The following WDR6 variants were observed in gnomAD, a reference collection of about 807,000 sequenced individuals.
WDR6 encodes WD repeat domain 6.
Under a neutral mutation model 85.6 loss-of-function variants are expected in WDR6, and 58 were observed. The observed-to-expected ratio is 0.68, with a 90% CI of 0.55 to 0.84. The LOEUF is 0.84. Among genes scored for constraint, WDR6 ranks in the 40% least tolerant of loss-of-function variants. The pLI is 0.00. For synonymous variants in WDR6, 569 were observed against 582.2 expected (o/e 0.98, Z 0.33); for missense variants, 1,310 against 1,476.4 (o/e 0.89, Z 1.85).
intron 1 of WDR6, among the ~76,000 whole-genome samples, chr3:49,009,222 C>T (rs1383395674): frequency 6.6e-6 from 1 of 151,904 alleles, no homozygotes. Flanking sequence ...CTGTTCCATC[C>T]ACCATACTCA....
chr3:49,013,173 A>G lies in WDR6; in HGVS notation c.1639A>G (p.Ser547Gly), dbSNP rs755688452. The change falls in exon 2 of 6, where the codon AGT becomes GGT. Residue 547 changes from serine (S) to glycine (G), a missense_variant. Physicochemically the swap from Ser to Gly is moderately conservative, Grantham distance 56 (BLOSUM62 0). Coordinates refer to ENST00000608424, the MANE Select transcript of WDR6 (RefSeq NM_018031.6). The surrounding 1 kb of genome is among the most constrained non-coding windows in gnomAD (Gnocchi z 4.6). Reference protein sequence around the residue: ...GAGAPVVGSGSSGGGNAFTGL... With the variant: ...GAGAPVVGSGGSGGGNAFTGL... ...TGGGGCACCTGTAGTGGGTAGTGGTAGTAGTGGGGGTGGGAATGCTTTCAC... is the reference window on the plus strand; with the variant it reads ...TGGGGCACCTGTAGTGGGTAGTGGTGGTAGTGGGGGTGGGAATGCTTTCAC... 4.3e-6 allele frequency: 7 copies of G among 1,611,716 alleles called. No homozygotes were observed. Among genetic ancestry groups the G allele is most frequent in the African/African-American group, 2.7e-5 (2 of 74,812 alleles).
chr3:49,011,101 CTTTT>C (rs142346765), intron 1 of WDR6: 1 of 403,854 alleles, frequency 2.5e-6, no homozygotes. Flanking sequence ...TTTCTTTTTT[CTTTT>C]TTTTTTTTTG....
Position 49,013,651 on chromosome 3 carries a change from G to C in WDR6, c.2117G>C (p.Cys706Ser). Residue 706 changes from cysteine to serine, a missense_variant, in exon 2 of 6, where the codon TGT becomes TCT. Cys to Ser is a moderately radical substitution (Grantham distance 112). Coordinates refer to ENST00000608424, the MANE Select transcript of WDR6 (RefSeq NM_018031.6). The surrounding 1 kb of genome is among the most constrained non-coding windows in gnomAD (Gnocchi z 4.6). Reference protein sequence around the residue: ...REGLHGREITCVKRVGTITLG... With the variant: ...REGLHGREITSVKRVGTITLG... Reference sequence around the variant, plus strand: ...GGTCTGCATGGCCGTGAGATCACTTGTGTAAAGCGTGTGGGCACCATTACC... The same window carrying C: ...GGTCTGCATGGCCGTGAGATCACTTCTGTAAAGCGTGTGGGCACCATTACC... 3 of 1,614,164 alleles carry C rather than the reference G, an allele frequency of 1.9e-6. No individual in the cohort carries two copies. The highest frequency in any genetic ancestry group is 2.5e-6 in the Non-Finnish European group (3 of 1,180,014).
rs747117422 is a variant in WDR6 at position 49,013,207 on chromosome 3, G to A, written c.1673G>A (p.Gly558Asp). ...GGTGGGAATGCTTTCACTGGGTTGG[G>A]CCCAGTGTCTACCCTGCCCTCTCTG... is the stretch of plus-strand genomic sequence containing the variant. ...SGGGNAFTGLGPVSTLPSLHG... is the reference protein window; with the variant it reads ...SGGGNAFTGLDPVSTLPSLHG... The change falls in exon 2 of 6, where the codon GGC becomes GAC. Residue 558 changes from glycine to aspartate, a missense_variant. Transcript: ENST00000608424. The surrounding 1 kb of genome is among the most constrained non-coding windows in gnomAD (Gnocchi z 4.6). 1.2e-6 allele frequency: 2 copies of A among 1,613,744 alleles called. No individual in the cohort carries two copies. The highest frequency in any genetic ancestry group is 1.7e-5 in the Admixed American group (1 of 60,000).
In WDR6 at chr3:49,014,467, C is replaced by T; in HGVS notation, c.2751C>T (p.His917=). 1.2e-6 allele frequency: 2 copies of T among 1,614,132 alleles called. No homozygotes were observed. Among genetic ancestry groups the T allele is most frequent in the Non-Finnish European group, 1.7e-6 (2 of 1,180,006 alleles). ...ATAAGCGATGTGTCCTCAAGGTCCACTCCTTTACACACGAGGCACCCAACC... is the reference window on the plus strand; with the variant it reads ...ATAAGCGATGTGTCCTCAAGGTCCATTCCTTTACACACGAGGCACCCAACC... ...FHHKRCVLKV[H]SFTHEAPNQR... The change falls in exon 4 of 6, where the codon CAC becomes CAT. Residue 917 remains histidine, a synonymous_variant. Coordinates refer to ENST00000608424, the MANE Select transcript of WDR6 (RefSeq NM_018031.6). The surrounding 1 kb of genome is among the most constrained non-coding windows in gnomAD (Gnocchi z 4.9).
Position 49,012,736 on chromosome 3 carries a change from G to C in WDR6, c.1202G>C (p.Gly401Ala). The change falls in exon 2 of 6, where the codon GGT (glycine) becomes GCT (alanine). Residue 401 changes from glycine to alanine, a missense_variant. By Grantham distance (60) the Gly-to-Ala change is moderately conservative (BLOSUM62 0). Transcript: ENST00000608424. This position sits in a 1 kb window ranked among gnomAD's most constrained non-coding sequence, Gnocchi z 4.4. Reference protein sequence around the residue: ...QSYCLLEAAPGPEGFGLCAMA... With the variant: ...QSYCLLEAAPAPEGFGLCAMA... Reference sequence around the variant, plus strand: ...TACTGCCTGCTGGAGGCAGCTCCTGGTCCCGAGGGCTTCGGATTGTGTGCT... The same window carrying C: ...TACTGCCTGCTGGAGGCAGCTCCTGCTCCCGAGGGCTTCGGATTGTGTGCT... The C allele has an allele frequency of 6.2e-7, 1 of 1,613,972 alleles. No homozygotes were observed. Among genetic ancestry groups the C allele is most frequent in the Admixed American group, 1.7e-5 (1 of 60,018 alleles).
Position 49,014,540 on chromosome 3 carries a change from G to T in WDR6, c.2783+41G>T. 6.2e-7 allele frequency: 1 copy of T among 1,613,696 alleles called. No homozygotes were observed. Among genetic ancestry groups the T allele is most frequent in the South Asian group, 1.1e-5 (1 of 91,070 alleles). On this transcript the variant is annotated intron_variant, in intron 4 of 5. Transcript: ENST00000608424. This position sits in a 1 kb window ranked among gnomAD's most constrained non-coding sequence, Gnocchi z 4.9. Reference sequence around the variant, plus strand: ...TGATGGTCCTGCATGGGCTGGGTTGGGGGGTTCCTGTTGAGCTTCATCTCT... The same window carrying T: ...TGATGGTCCTGCATGGGCTGGGTTGTGGGGTTCCTGTTGAGCTTCATCTCT...
chr3:49,014,018 C>T lies in WDR6; in HGVS notation c.2484C>T (p.Leu828=), dbSNP rs185020085. 1.1e-5 allele frequency: 17 copies of T among 1,612,036 alleles called. 1 individual carries two copies. Among genetic ancestry groups the T allele is most frequent in the Middle Eastern group, 3.3e-4 (2 of 6,062 alleles). The change falls in exon 2 of 6, where the codon CTC becomes CTT. Residue 828 remains leucine (L), a synonymous_variant. Coordinates refer to ENST00000608424, the MANE Select transcript of WDR6 (RefSeq NM_018031.6). The surrounding 1 kb of genome is among the most constrained non-coding windows in gnomAD (Gnocchi z 4.9). The part of the protein sequence containing the change: ...VTPDPSTPSR[L]ACHVMHLSSH... ...CGGACCCCAGCACCCCAAGCCGCCT[C>T]GCCTGCCATGTCATGCACCTTTCGT...
Position 49,014,741 on chromosome 3 carries a change from T to A in WDR6, c.2902+23T>A, listed in dbSNP as rs1211263335. The A allele has an allele frequency of 6.2e-7, 1 of 1,612,436 alleles. No homozygotes were observed. Among genetic ancestry groups the A allele is most frequent in the Non-Finnish European group, 8.5e-7 (1 of 1,179,274 alleles). ...ACCGTGAGTAGCTAATGTGCAACCA[T>A]GGCTACCCCTCCTCACCTGTCACAT... On this transcript the variant is annotated intron_variant, in intron 5 of 5. Transcript: ENST00000608424. This position sits in a 1 kb window ranked among gnomAD's most constrained non-coding sequence, Gnocchi z 4.9.
At position 49,012,549 on chromosome 3, in the gene WDR6, G is replaced by A. The variant is rs757785170; in HGVS notation, c.1015G>A (p.Ala339Thr). The A allele has an allele frequency of 4.9e-5, 79 of 1,613,882 alleles. No homozygotes were observed. The highest frequency in any genetic ancestry group is 6.2e-5 in the Non-Finnish European group (73 of 1,180,024). ...TGGGTACCGGGGATTGGGGGTCTCG[G>A]CTCTCTGCTTCAAGTCCCGTAGTAG... Reference protein sequence around the residue: ...GRGYRGLGVSALCFKSRSRPG... With the variant: ...GRGYRGLGVSTLCFKSRSRPG... Residue 339 changes from alanine (A) to threonine (T), a missense_variant, in exon 2 of 6, where the codon GCT (alanine) becomes ACT (threonine). Physicochemically the swap from Ala to Thr is moderately conservative, Grantham distance 58. Coordinates refer to ENST00000608424, the MANE Select transcript of WDR6 (RefSeq NM_018031.6). This position sits in a 1 kb window ranked among gnomAD's most constrained non-coding sequence, Gnocchi z 4.4.
At position 49,015,680 on chromosome 3, in the gene WDR6, T is replaced by A. The variant is rs532886583; in HGVS notation, c.*392T>A. 25 of 1,614,032 alleles carry A rather than the reference T, an allele frequency of 1.5e-5. No individual in the cohort carries two copies. In the East Asian group the frequency reaches 5.6e-4, roughly 36 times the overall value. On this transcript the variant is annotated 3_prime_UTR_variant, in exon 6 of 6. Coordinates refer to ENST00000608424, the MANE Select transcript of WDR6 (RefSeq NM_018031.6). ...CTCAGAAGCTGCAGGCGGACGAACA[T>A]CTGACCAAAGAGGTGTGGTCGAGGC...
chr3:49,009,370 C>T (rs1223313914), intron 1 of WDR6, among the ~76,000 whole-genome samples: 1 of 139,208 alleles, frequency 7.2e-6, no homozygotes, highest in African/African-American at 2.7e-5. Flanking sequence ...TTTCCTCTGG[C>T]TAACTGCTGC....
At position 49,007,630 on chromosome 3, in the gene WDR6, G is replaced by C; in HGVS notation, c.100+99G>C. The C allele has an allele frequency of 7.1e-7, 1 of 1,415,982 alleles. No individual in the cohort carries two copies. The highest frequency in any genetic ancestry group is 9.3e-7 in the Non-Finnish European group (1 of 1,077,758). 87.7% of individuals were successfully genotyped at this position (1,415,982 alleles called of 1,614,324 possible). ...GACAAAAGGGGTGCCCTGAGGAGAA[G>C]GACGGGCAGCAGGTTGAGGCCGATC... On this transcript the variant is annotated intron_variant, in intron 1 of 5. Coordinates refer to ENST00000608424, the MANE Select transcript of WDR6 (RefSeq NM_018031.6). The surrounding 1 kb of genome is among the most constrained non-coding windows in gnomAD (Gnocchi z 5.1).
Position 49,011,927 on chromosome 3 carries a change from G to C in WDR6, c.393G>C (p.Leu131Phe). 6 of 1,614,210 alleles carry C rather than the reference G, an allele frequency of 3.7e-6. No individual in the cohort carries two copies. Among genetic ancestry groups the C allele is most frequent in the Non-Finnish European group, 4.2e-6 (5 of 1,180,044 alleles). ...GCTGGCTTGAGGGAAATATAGCCTT[G>C]GCCCTGGGCCACAACTCAGTGGTGC... ...DARWLEGNIA[L>F]ALGHNSVVLY... The change falls in exon 2 of 6, where the codon TTG (leucine) becomes TTC (phenylalanine). Residue 131 changes from leucine to phenylalanine, a missense_variant. Leu to Phe is a conservative substitution (Grantham distance 22). Coordinates refer to ENST00000608424, the MANE Select transcript of WDR6 (RefSeq NM_018031.6).
Position 49,013,697 on chromosome 3 carries a change from G to A in WDR6, c.2163G>A (p.Val721=). 1 of 1,614,084 alleles carries A rather than the reference G, an allele frequency of 6.2e-7. No homozygotes were observed. The highest frequency in any genetic ancestry group is 1.1e-5 in the South Asian group (1 of 91,084). The part of the protein sequence containing the change: ...GTITLGPEYG[V]PSFMQPDDLE... ...TTACCCTGGGGCCTGAATATGGAGT[G>A]CCCAGCTTCATGCAGCCTGATGACC... Residue 721 remains valine, a synonymous_variant, in exon 2 of 6, where the codon GTG becomes GTA. Transcript: ENST00000608424. This position sits in a 1 kb window ranked among gnomAD's most constrained non-coding sequence, Gnocchi z 4.6.
chr3:49,013,222 T>C lies in WDR6; in HGVS notation c.1688T>C (p.Leu563Pro). The part of the protein sequence containing the change: ...AFTGLGPVST[L>P]PSLHGKQGVT... ...ACTGGGTTGGGCCCAGTGTCTACCC[T>C]GCCCTCTCTGCACGGGAAGCAGGGT... is the stretch of plus-strand genomic sequence containing the variant. The change falls in exon 2 of 6, where the codon CTG (leucine) becomes CCG (proline). Residue 563 changes from leucine (L) to proline (P), a missense_variant. By Grantham distance (98) the Leu-to-Pro change is moderately conservative (BLOSUM62 -3). Transcript: ENST00000608424. The surrounding 1 kb of genome is among the most constrained non-coding windows in gnomAD (Gnocchi z 4.6). 6.2e-7 allele frequency: 1 copy of C among 1,613,960 alleles called. No homozygotes were observed. Among genetic ancestry groups the C allele is most frequent in the Non-Finnish European group, 8.5e-7 (1 of 1,179,996 alleles).
In WDR6 at chr3:49,007,710, G is replaced by T; in HGVS notation, c.100+179G>T. ...GGGGACGAGGGCCAACCTGAAGAGG[G>T]CGGGGCCCGAGAGACAAAGCTGATG... On this transcript the variant is annotated intron_variant, in intron 1 of 5. Coordinates refer to ENST00000608424, the MANE Select transcript of WDR6 (RefSeq NM_018031.6). This position sits in a 1 kb window ranked among gnomAD's most constrained non-coding sequence, Gnocchi z 5.1. The T allele has an allele frequency of 7.6e-7, 1 of 1,311,148 alleles. No homozygotes were observed. Among genetic ancestry groups the T allele is most frequent in the Non-Finnish European group, 9.8e-7 (1 of 1,024,786 alleles). The allele number at this position is 1,311,148 out of a possible 1,614,324, so 81.2% of individuals were successfully genotyped here.
At chr3:49,010,340 A>G (rs949704005) in intron 1 of WDR6, among the ~76,000 whole-genome samples, 3 of 151,396 alleles carry the variant, frequency 2.0e-5, no homozygotes, top group Middle Eastern at 3.5e-3. Context: ...TGGGAGGCAG[A>G]GCTTGTAGTG....
chr3:49,015,484 G>GAAC lies in WDR6; in HGVS notation c.*197_*199dup, dbSNP rs1245668726. The GAAC allele has an allele frequency of 1.3e-6, 2 of 1,551,902 alleles. No individual in the cohort carries two copies. Among genetic ancestry groups the GAAC allele is most frequent in the African/African-American group, 2.7e-5 (2 of 73,200 alleles). ...ATGCCCGACTCCCCATGACAAGACA[G>GAAC]AACTTTGTAACAAACAGTACCAATT... On this transcript the variant is annotated 3_prime_UTR_variant, in exon 6 of 6. Transcript: ENST00000608424.
Sources: gnomAD v4.1 joint callset for allele counts (sites outside exome capture counted in the v4.1 genomes callset) on GRCh38, gnomAD v4.1.1 for gene constraint, Gnocchi (gnomAD v3.1) non-coding constraint, MANE v1.5 for transcripts, NCBI Gene and HGNC (gene_info 2026-07-23, HGNC 2026-07-21) for gene names.